SCN10A: variants seen among roughly 807,000 people sequenced by gnomAD.
SCN10A encodes the protein sodium channel protein type 10 subunit alpha.
In SCN10A, 162 loss-of-function variants were observed where a neutral mutation model predicts 170.7. The ratio of observed to expected loss-of-function variants is 0.95; its 90% CI spans 0.84 to 1.08. The LOEUF is 1.08. SCN10A is among the 50% of genes least tolerant of loss of function. The pLI, the probability that SCN10A is intolerant of heterozygous loss-of-function variation, is 0.00. For synonymous variants in SCN10A, 985 were observed against 904.6 expected (o/e 1.09, Z -1.59); for missense variants, 2,527 against 2,436.9 (o/e 1.04, Z -0.78).
chr3:38,709,392 TG>T (rs1452101544), intron 25 of SCN10A, 85 bp downstream of exon 25: 5 of 1,406,584 alleles, frequency 3.6e-6, no homozygotes, highest in Non-Finnish European at 4.8e-6. Flanking sequence ...TGTTGGCTTT[TG>T]TCAGGAGGCC....
At chr3:38,729,428 C>T (rs2063492875) in intron 15 of SCN10A, among the ~76,000 whole-genome samples, 1 of 152,126 alleles carries the variant, frequency 6.6e-6, no homozygotes, top group African/African-American at 2.4e-5. Flanking sequence ...TGCAAATGTC[C>T]ATGATTTCAT....
chr3:38,786,299 TA>T (rs770097595), intron 4 of SCN10A, among the ~76,000 whole-genome samples: 3 of 152,050 alleles, frequency 2.0e-5, no homozygotes, highest in East Asian at 1.9e-4. Context: ...TATGCAGCCA[TA>T]AAAAAGGGTG....
chr3:38,736,361 CTGTGTGTGTGTGTGTGTGTG>C (rs68001863), intron 15 of SCN10A, among the ~76,000 whole-genome samples: 6 of 139,464 alleles, frequency 4.3e-5, no homozygotes, highest in African/African-American at 1.1e-4. Flanking sequence ...TAGGGAAACT[CTGTGTGTGTGTGTGTGTGTG>C]TGTGTGTGTG....
chr3:38,744,673 G>T (rs2063668921), intron 13 of SCN10A, among the ~76,000 whole-genome samples: 1 of 151,330 alleles, frequency 6.6e-6, no homozygotes, highest in East Asian at 1.9e-4. Context: ...TTAAAACTTT[G>T]GTGCATTTGA....
In SCN10A at chr3:38,807,796, A is replaced by T. The variant is rs75416193; in HGVS notation, c.-33+8241T>A. On this transcript the variant is annotated intron_variant, in intron 1 of 27. Coordinates refer to ENST00000449082, the MANE Select transcript of SCN10A (RefSeq NM_006514.4). The stretch of plus-strand genomic sequence containing the variant: ...ATTCCCTATTTAGTTAAACAGCACC[A>T]TCAAGCACGCAGTTGCTCACATCAT... Among the ~76,000 whole-genome samples, 10 of 152,270 alleles carry T rather than the reference A, an allele frequency of 6.6e-5. No individual in the cohort carries two copies. The East Asian group carries it at 1.9e-3, about 29-fold the overall frequency.
At chr3:38,720,910 C>T (rs2063383093) in intron 20 of SCN10A, among the ~76,000 whole-genome samples, 1 of 152,172 alleles carries the variant, frequency 6.6e-6, no homozygotes, top group African/African-American at 2.4e-5. Context: ...CCCTCTCTTG[C>T]CCCTGCAATT....
rs753205934 is a variant in SCN10A, at chr3:38,752,330, G to A, written c.1644C>T (p.Pro548=). ...GTTGAGGAAGAGGGCTTCTAGGGAG[G>A]GGGCCTTGCTGGCCAGCACCCCCAC... ...LLGGGAGQQG[P]LPRSPLPQPS... Residue 548 remains proline, a synonymous_variant, in exon 12 of 28, where the codon CCC becomes CCT. Coordinates refer to ENST00000449082, the MANE Select transcript of SCN10A (RefSeq NM_006514.4). 6.2e-6 allele frequency: 10 copies of A among 1,612,936 alleles called. No individual in the cohort carries two copies. In the African/African-American group the frequency reaches 1.2e-4, roughly 19 times the overall value.
chr3:38,741,289 AACACACACACACACAC>A (rs60874265), intron 14 of SCN10A, among the ~76,000 whole-genome samples: 2 of 146,662 alleles, frequency 1.4e-5, no homozygotes, highest in Non-Finnish European at 3.0e-5. Context: ...CGTGTGTTTG[AACACACACACACACAC>A]ACACACACAC....
At chr3:38,712,951 G>A (rs182099780) in intron 22 of SCN10A, among the ~76,000 whole-genome samples, 16 of 152,236 alleles carry the variant, frequency 1.1e-4, no homozygotes, top group South Asian at 2.1e-4. Context: ...TTCAATCTTC[G>A]GGTCCTAGTG....
chr3:38,745,046 A>C (rs1310332610), intron 13 of SCN10A, among the ~76,000 whole-genome samples: 1 of 152,174 alleles, frequency 6.6e-6, no homozygotes, highest in Non-Finnish European at 1.5e-5. Flanking sequence ...TTTTGGCACT[A>C]AAAAGAAGCA....
chr3:38,781,918 T>G (rs1183152477), intron 4 of SCN10A, among the ~76,000 whole-genome samples: 5 of 152,102 alleles, frequency 3.3e-5, no homozygotes, highest in African/African-American at 1.2e-4. Flanking sequence ...CTAAAGAGTT[T>G]GTATCTTTAT....
In SCN10A at chr3:38,697,936, A is replaced by C. The variant is rs766168053; in HGVS notation, c.5284T>G (p.Ser1762Ala). The C allele has an allele frequency of 1.2e-6, 2 of 1,613,972 alleles. No individual in the cohort carries two copies. The highest frequency in any genetic ancestry group is 1.7e-6 in the Non-Finnish European group (2 of 1,180,010). The stretch of plus-strand genomic sequence containing the variant: ...GTGTCTGCAAAGTCCGAGAGAGCAG[A>C]AAAGGTAATAAACTGAGTGGCCTCT... Reference protein sequence around the residue: ...DPEATQFITFSALSDFADTLS... With the variant: ...DPEATQFITFAALSDFADTLS... The change falls in exon 28 of 28, where the codon TCT (serine) becomes GCT (alanine). Residue 1762 changes from serine to alanine, a missense_variant. Transcript: ENST00000449082.
At chr3:38,736,230 G>A (rs2063558784) in intron 15 of SCN10A, among the ~76,000 whole-genome samples, 1 of 152,186 alleles carries the variant, frequency 6.6e-6, no homozygotes, top group African/African-American at 2.4e-5. Flanking sequence ...TGAACTGGCA[G>A]GTCCTGATTA....
intron 4 of SCN10A, among the ~76,000 whole-genome samples, chr3:38,781,599 C>T (rs1258422870): frequency 1.3e-5 from 2 of 152,100 alleles, no homozygotes; most frequent in African/African-American, 4.8e-5. Flanking sequence ...GAAACACTTC[C>T]ATAACCAGCG....
chr3:38,716,660 A>G (rs2063337231), intron 21 of SCN10A, among the ~76,000 whole-genome samples: 1 of 152,248 alleles, frequency 6.6e-6, no homozygotes, highest in Non-Finnish European at 1.5e-5. Context: ...CAGACACAAA[A>G]AGATGGATAG....
intron 2 of SCN10A, 69 bp from the exon 3 acceptor site, chr3:38,792,237 A>G: frequency 6.3e-7 from 1 of 1,580,354 alleles, no homozygotes; most frequent in Non-Finnish European, 8.6e-7. Context: ...CCATGTTTTT[A>G]AACATGAGAG....
At chr3:38,702,488 C>T (rs1463921444) in intron 26 of SCN10A, among the ~76,000 whole-genome samples, 1 of 152,212 alleles carries the variant, frequency 6.6e-6, no homozygotes, top group Non-Finnish European at 1.5e-5. Flanking sequence ...ACTACCCTGT[C>T]CCTTTGGGGA....
intron 4 of SCN10A, among the ~76,000 whole-genome samples, chr3:38,772,736 CAAAA>C (rs1180592093): frequency 0.01 from 936 of 89,458 alleles, 19 homozygotes; most frequent in African/African-American, 0.035. Flanking sequence ...AAAACAAAAA[CAAAA>C]AAAAAAAAAC....
intron 4 of SCN10A, among the ~76,000 whole-genome samples, chr3:38,785,310 G>C (rs2126053479): frequency 6.6e-6 from 1 of 152,168 alleles, no homozygotes; most frequent in Non-Finnish European, 1.5e-5. Context: ...CAGAACAGAG[G>C]CCTCAGAAGT....
Sources: allele counts gnomAD v4.1 joint callset (sites outside exome capture counted in the v4.1 genomes callset), GRCh38; gene constraint gnomAD v4.1.1; transcripts MANE v1.5; gene names NCBI Gene and HGNC (gene_info 2026-07-23, HGNC 2026-07-21).